The following WDPCP variants were observed in gnomAD, a reference collection of about 807,000 sequenced individuals.
WDPCP encodes the protein WD repeat-containing and planar cell polarity effector protein fritz homolog.
In WDPCP, 71 loss-of-function variants were observed where a neutral mutation model predicts 93.1. That is an observed-to-expected ratio of 0.76 (90% CI 0.63 to 0.93). The LOEUF (loss-of-function observed/expected upper bound fraction) is 0.93. Ranked by LOEUF, WDPCP falls within the 40% of genes least tolerant of loss-of-function variation. The pLI, the probability that WDPCP is intolerant of heterozygous loss-of-function variation, is 0.00. For synonymous variants in WDPCP, 315 were observed against 315.0 expected (o/e 1.00, Z 0.00); for missense variants, 844 against 887.4 (o/e 0.95, Z 0.62).
intron 14 of WDPCP, among the ~76,000 whole-genome samples, chr2:63,218,720 C>A (rs1454941959): frequency 3.3e-5 from 5 of 151,972 alleles, no homozygotes; most frequent in Non-Finnish European, 7.4e-5. Flanking sequence ...TTAGTAGAGA[C>A]AGGGTTTCAC....
intron 1 of WDPCP, among the ~76,000 whole-genome samples, chr2:63,503,580 T>C (rs1701690496): frequency 6.6e-6 from 1 of 152,102 alleles, no homozygotes; most frequent in South Asian, 2.1e-4. Context: ...AAATATGAAC[T>C]TCATTCTTTT....
Position 63,588,426 on chromosome 2 carries a change from C to A in WDPCP, c.-155G>T. ...AAAGCAGCCAGGGTGTGCGTGCGCT[C>A]CCGCCTCGTCGCTTAGCAACCTGAG... On this transcript the variant is annotated 5_prime_UTR_variant, in exon 1 of 18. Transcript: ENST00000272321. 1.2e-6 allele frequency: 1 copy of A among 829,124 alleles called. No homozygotes were observed. The highest frequency in any genetic ancestry group is 2.7e-5 in the East Asian group (1 of 37,682). 51.4% of individuals were successfully genotyped at this position (829,124 alleles called of 1,614,324 possible). A position where few individuals can be genotyped will look rare whatever the true frequency, so the allele number is the denominator to read the frequency against.
chr2:63,752,678 A>C, intron 2 of WDPCP: 1 of 412,660 alleles, frequency 2.4e-6, no homozygotes, highest in Non-Finnish European at 4.4e-6. Context: ...TAGCGACCAC[A>C]GGCAGAAAGA....
chr2:63,477,551 C>T (rs985432828), intron 6 of WDPCP, among the ~76,000 whole-genome samples: 1 of 151,960 alleles, frequency 6.6e-6, no homozygotes, highest in Non-Finnish European at 1.5e-5. Context: ...ACTAAAGCTC[C>T]CACTCAGACA....
At chr2:63,640,537 A>G (rs1055248732) in intron 3 of WDPCP, among the ~76,000 whole-genome samples, 5 of 152,232 alleles carry the variant, frequency 3.3e-5, no homozygotes, top group African/African-American at 1.2e-4. Flanking sequence ...ATGAGTGTTT[A>G]TATAGTTTTC....
intron 10 of WDPCP, among the ~76,000 whole-genome samples, chr2:63,399,832 A>T (rs1197906051): frequency 6.6e-6 from 1 of 152,172 alleles, no homozygotes; most frequent in Non-Finnish European, 1.5e-5. Flanking sequence ...TAACATTATG[A>T]ATAGATTTAG....
chr2:63,603,923 C>G (rs540716989), intron 3 of WDPCP, among the ~76,000 whole-genome samples: 11 of 152,242 alleles, frequency 7.2e-5, no homozygotes, highest in Non-Finnish European at 1.5e-4. Context: ...TCCCAAAGTG[C>G]TGGGATTACA....
intron 2 of WDPCP, among the ~76,000 whole-genome samples, chr2:63,759,447 A>G (rs1276347006): frequency 6.6e-6 from 1 of 152,186 alleles, no homozygotes; most frequent in Non-Finnish European, 1.5e-5. Context: ...GACCAGCTAC[A>G]CAATTGCAGG....
chr2:63,826,173 T>C (rs2104151113), intron 1 of WDPCP, among the ~76,000 whole-genome samples: 1 of 152,160 alleles, frequency 6.6e-6, no homozygotes, highest in East Asian at 1.9e-4. Flanking sequence ...AATAACACAT[T>C]AACAAGTATG....
At chr2:63,534,006 G>GC (rs1462937245) in intron 1 of WDPCP, among the ~76,000 whole-genome samples, 1 of 137,122 alleles carries the variant, frequency 7.3e-6, no homozygotes, top group Non-Finnish European at 1.6e-5. Flanking sequence ...TCAAATAGAT[G>GC]CAAAAAAAAT....
rs199863367 is a variant in WDPCP at position 63,643,154 on chromosome 2, C to T, written n.488+7505G>A. ...CATAGACTTGTGTATGTTCAACAAT[C>T]CTTGCATTCCTGGGATAAATCCAAC... On this transcript the variant is annotated intron_variant and non_coding_transcript_variant, in intron 3 of 4. Transcript: ENST00000467687. 5.1e-5 allele frequency: 9 copies of T among 177,958 alleles called. No homozygotes were observed. The East Asian group carries it at 1.1e-3, about 21-fold the overall frequency. 11.0% of individuals were successfully genotyped at this position (177,958 alleles called of 1,614,324 possible).
Position 63,532,061 on chromosome 2 carries a change from G to A in WDPCP, c.76-39121C>T, listed in dbSNP as rs183221751. Among the ~76,000 whole-genome samples, 136 of 152,234 alleles carry A rather than the reference G, an allele frequency of 8.9e-4. 1 individual carries two copies. The highest frequency in any genetic ancestry group is 8.7e-3 in the Admixed American group (133 of 15,288). The stretch of plus-strand genomic sequence containing the variant: ...AACCATGGCACGAGAACTACGTGAC[G>A]CATGCACAAGCTTCAGTAGCCTATT... On this transcript the variant is annotated intron_variant, in intron 1 of 17. Coordinates refer to ENST00000272321, the MANE Select transcript of WDPCP (RefSeq NM_015910.7).
chr2:63,506,999 AG>A (rs1483312260), intron 1 of WDPCP, among the ~76,000 whole-genome samples: 1 of 151,988 alleles, frequency 6.6e-6, no homozygotes, highest in Non-Finnish European at 1.5e-5. Context: ...GAGAGAGAGA[AG>A]GAGTTTGGGT....
intron 2 of WDPCP, among the ~76,000 whole-genome samples, chr2:63,714,078 G>A (rs1669299815): frequency 6.9e-6 from 1 of 144,588 alleles, no homozygotes; most frequent in South Asian, 2.2e-4. Flanking sequence ...TTTTTGAGAC[G>A]GAGTTTCATT....
At chr2:63,557,042 C>T (rs925147922) in intron 1 of WDPCP, among the ~76,000 whole-genome samples, 6 of 152,160 alleles carry the variant, frequency 3.9e-5, no homozygotes, top group Admixed American at 6.6e-5. Flanking sequence ...AAGGAAAGAA[C>T]GTTATCAACC....
At chr2:63,829,040 A>G (rs1008215875), upstream of WDPCP, among the ~76,000 whole-genome samples, 1 of 152,164 alleles carries the variant, frequency 6.6e-6, no homozygotes, top group Non-Finnish European at 1.5e-5. Flanking sequence ...TGATAAAAGT[A>G]ATACACGAGT....
intron 14 of WDPCP, among the ~76,000 whole-genome samples, chr2:63,194,630 T>C (rs562680893): frequency 1.3e-5 from 2 of 152,314 alleles, no homozygotes; most frequent in South Asian, 2.1e-4. Flanking sequence ...TGTGCCTATA[T>C]GGAAATAAGT....
At chr2:63,703,961 C>T (rs13006300) in intron 2 of WDPCP, among the ~76,000 whole-genome samples, 20 of 152,066 alleles carry the variant, frequency 1.3e-4, no homozygotes, top group African/African-American at 4.6e-4. Context: ...TTGTTTGTAT[C>T]CTCTTTTATT....
intron 14 of WDPCP, among the ~76,000 whole-genome samples, chr2:63,258,957 T>C (rs1681372863): frequency 6.6e-6 from 1 of 152,162 alleles, no homozygotes. Flanking sequence ...AAATGACATG[T>C]CTGTGTATAA....
Sources: allele counts gnomAD v4.1 joint callset (sites outside exome capture counted in the v4.1 genomes callset), GRCh38; gene constraint gnomAD v4.1.1; transcripts MANE v1.5; gene names NCBI Gene and HGNC (gene_info 2026-07-23, HGNC 2026-07-21).